Variants in SIRT4 observed in about 807,000 individuals in gnomAD.
SIRT4 encodes the protein NAD-dependent protein lipoamidase sirtuin-4, mitochondrial.
A neutral mutation model predicts 26.1 loss-of-function variants in SIRT4; 23 were observed. The observed-to-expected ratio is 0.88, with a 90% confidence interval of 0.63 to 1.25. The LOEUF is 1.25. SIRT4 is among the 50% of genes most tolerant of loss of function. SIRT4 has a pLI of 0.00. For synonymous variants in SIRT4, 155 were observed against 158.4 expected (o/e 0.98, Z 0.16); for missense variants, 361 against 405.4 (o/e 0.89, Z 0.94).
chr12:120,304,829 ATATATATT>A (rs1438483428), intron 2 of SIRT4, among the ~76,000 whole-genome samples: 1 of 31,160 alleles, frequency 3.2e-5, no homozygotes, highest in East Asian at 9.4e-4. Context: ...ATATATATAT[ATATATATT>A]TTTTTTTTTT....
chr12:120,291,869 C>T, the SIRT4 span: 8 of 152,094 alleles, frequency 5.3e-5, no homozygotes, highest in Admixed American at 2.0e-4. Context: ...CTCGGATAAA[C>T]CTCATTGGCT....
At chr12:120,297,386 G>T (rs1196365265), upstream of SIRT4, among the ~76,000 whole-genome samples, 2 of 146,504 alleles carry the variant, frequency 1.4e-5, no homozygotes, top group Admixed American at 6.8e-5. Flanking sequence ...TCCCATGAGG[G>T]TATCAAAGGA....
the SIRT4 span, chr12:120,293,147 T>A: frequency 6.6e-6 from 1 of 152,196 alleles, no homozygotes; most frequent in African/African-American, 2.4e-5. Flanking sequence ...TTGCAAGTCG[T>A]CACGGCGGGG....
the SIRT4 span, among the ~76,000 whole-genome samples, chr12:120,294,641 G>C: frequency 6.6e-6 from 1 of 151,890 alleles, no homozygotes; most frequent in Non-Finnish European, 1.5e-5. Context: ...TTCAACCTCT[G>C]CTTCCAGGCC....
chr12:120,311,692 G>A (rs1443269758), intron 2 of SIRT4, among the ~76,000 whole-genome samples: 1 of 120,508 alleles, frequency 8.3e-6, no homozygotes, highest in East Asian at 2.8e-4. Flanking sequence ...CCAAGATCAT[G>A]CCATTGCACT....
chr12:120,303,766 T>C lies in SIRT4; in HGVS notation c.205T>C (p.Ser69Pro), dbSNP rs1872632171. The C allele has an allele frequency of 1.2e-6, 2 of 1,613,980 alleles. No homozygotes were observed. The highest frequency in any genetic ancestry group is 2.7e-5 in the African/African-American group (2 of 74,876). Reference protein sequence around the residue: ...VMTGAGISTESGIPDYRSEKV... With the variant: ...VMTGAGISTEPGIPDYRSEKV... ...GACTGGGGCAGGAATCTCCACCGAA[T>C]CGGGGATACCAGACTACAGGTCAGA... The change falls in exon 2 of 4, where the codon TCG becomes CCG. Residue 69 changes from serine (S) to proline (P), a missense_variant. Coordinates refer to ENST00000202967, the MANE Select transcript of SIRT4 (RefSeq NM_012240.3).
At chr12:120,312,428 G>A in intron 2 of SIRT4, 28 bp from the exon 3 acceptor site, 14 of 1,583,266 alleles carry the variant, frequency 8.8e-6, no homozygotes, top group Non-Finnish European at 1.2e-5. Context: ...AGGGCATACT[G>A]TTCAGTCAGC....
At chr12:120,301,276 C>T (rs1305793589), upstream of SIRT4, among the ~76,000 whole-genome samples, 1 of 152,078 alleles carries the variant, frequency 6.6e-6, no homozygotes, top group Non-Finnish European at 1.5e-5. Flanking sequence ...ACCCGGGAGG[C>T]GGAGGTTGCA....
the SIRT4 span, chr12:120,293,248 G>GAT: frequency 2.6e-5 from 4 of 152,094 alleles, no homozygotes; most frequent in Non-Finnish European, 4.4e-5. Context: ...AATTTGTTAC[G>GAT]CCCCCTGCTC....
the SIRT4 span, chr12:120,293,036 A>C: frequency 2.7e-5 from 4 of 150,048 alleles, no homozygotes; most frequent in Non-Finnish European, 5.9e-5. Flanking sequence ...CAACCTCCCA[A>C]AACCAAGCAC....
chr12:120,308,156 C>A (rs1209546530), intron 2 of SIRT4, among the ~76,000 whole-genome samples: 1 of 148,258 alleles, frequency 6.7e-6, no homozygotes, highest in East Asian at 2.0e-4. Context: ...CATGCCTGGC[C>A]CAAGAAAGCT....
At chr12:120,300,496 A>T (rs1482807998), upstream of SIRT4, among the ~76,000 whole-genome samples, 1 of 152,138 alleles carries the variant, frequency 6.6e-6, no homozygotes, top group African/African-American at 2.4e-5. Context: ...CCCAGGCTGA[A>T]GTGCAGTCGC....
Position 120,310,182 on chromosome 12 carries a change from CA to C in SIRT4, c.498-2273del, listed in dbSNP as rs567107841. Among the ~76,000 whole-genome samples, 322 of 152,094 alleles carry C rather than the reference CA, an allele frequency of 2.1e-3. 3 individuals are homozygous for C. The highest frequency in any genetic ancestry group is 1.6e-3 in the Non-Finnish European group (111 of 68,008). On this transcript the variant is annotated intron_variant, in intron 2 of 3. Coordinates refer to ENST00000202967, the MANE Select transcript of SIRT4 (RefSeq NM_012240.3). ...TGGTGGCTCACGTCTGTAGTCTCAGCACTTTGGGAGGCCGAGGTGGGCAGAT... is the reference window on the plus strand; with the variant it reads ...TGGTGGCTCACGTCTGTAGTCTCAGCCTTTGGGAGGCCGAGGTGGGCAGAT...
chr12:120,298,989 G>A (rs1219878344), upstream of SIRT4, among the ~76,000 whole-genome samples: 11 of 150,554 alleles, frequency 7.3e-5, no homozygotes, highest in Admixed American at 7.3e-4. Context: ...TACTTTGGGA[G>A]GCTGAGGCGG....
At chr12:120,292,821 G>A in the SIRT4 span, among the ~76,000 whole-genome samples, 1 of 151,592 alleles carries the variant, frequency 6.6e-6, no homozygotes, top group Non-Finnish European at 1.5e-5. Flanking sequence ...AGAAAACAGT[G>A]CGAGAAAGAA....
chr12:120,299,642 G>C (rs1872474688), upstream of SIRT4, among the ~76,000 whole-genome samples: 1 of 152,068 alleles, frequency 6.6e-6, no homozygotes, highest in East Asian at 1.9e-4. Context: ...AGTTCCATCA[G>C]ACTGGTCCAA....
At chr12:120,304,836 T>TATATATATATATATA (rs1491279066) in intron 2 of SIRT4, among the ~76,000 whole-genome samples, 7 of 6,404 alleles carry the variant, frequency 1.1e-3, no homozygotes, top group East Asian at 7.2e-3. Flanking sequence ...TATATATATA[T>TATATATATATATATA]TTTTTTTTTT....
At position 120,312,531 on chromosome 12, in the gene SIRT4, C is replaced by T. The variant is rs1342322603; in HGVS notation, c.573C>T (p.Thr191=). 1.9e-6 allele frequency: 3 copies of T among 1,614,158 alleles called. No individual in the cohort carries two copies. The highest frequency in any genetic ancestry group is 1.7e-5 in the Admixed American group (1 of 60,008). ...AGCGTTTCCAAGTCCTGAACCCCAC[C>T]TGGAGTGCTGAGGCCCATGGCCTGG... ...LQERFQVLNP[T]WSAEAHGLAP... The change falls in exon 3 of 4, where the codon ACC becomes ACT. Residue 191 remains threonine, a synonymous_variant. Transcript: ENST00000202967.
the SIRT4 span, among the ~76,000 whole-genome samples, chr12:120,296,278 C>T: frequency 6.6e-6 from 1 of 150,844 alleles, no homozygotes; most frequent in South Asian, 2.1e-4. Flanking sequence ...AGTGCAGTGG[C>T]GCAATCTCGG....
Sources: allele counts gnomAD v4.1 joint callset (sites outside exome capture counted in the v4.1 genomes callset), GRCh38; gene constraint gnomAD v4.1.1; transcripts MANE v1.5; gene names NCBI Gene and HGNC (gene_info 2026-07-23, HGNC 2026-07-21).